The following OTUD7B variants were observed in gnomAD, a reference collection of about 807,000 sequenced individuals.
OTUD7B encodes OTU domain-containing protein 7B.
OTUD7B carries 34 observed loss-of-function variants against 82.2 expected under a neutral mutation model. That is an observed-to-expected ratio of 0.41 (90% confidence interval 0.31 to 0.55). OTUD7B has a LOEUF of 0.55. Among genes scored for constraint, OTUD7B ranks in the 20% least tolerant of loss-of-function variants. The probability of loss-of-function intolerance (pLI) is 0.20; values close to 1 mark genes in which losing one functional copy is unlikely to be tolerated. For synonymous variants in OTUD7B, 398 were observed against 402.7 expected (o/e 0.99, Z 0.14); for missense variants, 944 against 1,062.1 (o/e 0.89, Z 1.55).
chr1:149,945,836 G>A (rs2101722830), intron 11 of OTUD7B, among the ~76,000 whole-genome samples: 1 of 152,066 alleles, frequency 6.6e-6, no homozygotes, highest in South Asian at 2.1e-4. Context: ...CGAGGTGGGT[G>A]GATCACCTGA....
At chr1:150,040,075 G>A in the OTUD7B span, among the ~76,000 whole-genome samples, 753 of 152,200 alleles carry the variant, frequency 4.9e-3, 5 homozygotes, top group Non-Finnish European at 8.6e-3. Flanking sequence ...GCCTTCTAAC[G>A]TTTCATAATA....
chr1:150,032,081 C>T, the OTUD7B span, among the ~76,000 whole-genome samples: 9 of 148,624 alleles, frequency 6.1e-5, no homozygotes, highest in Admixed American at 3.3e-4. Context: ...GAGGCTGAGG[C>T]GGGTGGATCA....
chr1:150,023,467 A>G, the OTUD7B span, among the ~76,000 whole-genome samples: 1 of 152,226 alleles, frequency 6.6e-6, no homozygotes, highest in Non-Finnish European at 1.5e-5. Context: ...CTTGAAGAAG[A>G]AGGAAATCTT....
At chr1:150,058,160 T>A in the OTUD7B span, among the ~76,000 whole-genome samples, 1 of 152,198 alleles carries the variant, frequency 6.6e-6, no homozygotes, top group Admixed American at 6.6e-5. Flanking sequence ...GACCCTCTAC[T>A]GCTTTGCTAC....
chr1:150,054,020 G>T, the OTUD7B span: 1 of 347,870 alleles, frequency 2.9e-6, no homozygotes, highest in Non-Finnish European at 5.3e-6. Context: ...CATTGTCAGA[G>T]GGATTGGCAG....
chr1:150,060,330 C>A, the OTUD7B span, among the ~76,000 whole-genome samples: 2 of 152,106 alleles, frequency 1.3e-5, no homozygotes, highest in Admixed American at 6.5e-5. Context: ...TAAACGAGGT[C>A]ATTAGGGTGG....
chr1:150,034,209 A>G, the OTUD7B span, among the ~76,000 whole-genome samples: 1 of 152,202 alleles, frequency 6.6e-6, no homozygotes, highest in Admixed American at 6.5e-5. Flanking sequence ...AGTACTTTTA[A>G]TTTCTCAAAA....
In OTUD7B at chr1:149,941,283, T is replaced by G. The variant is rs2101700423; in HGVS notation, c.*2574A>C. On this transcript the variant is annotated 3_prime_UTR_variant, in exon 12 of 12. Coordinates refer to ENST00000581312, the MANE Select transcript of OTUD7B (RefSeq NM_020205.4). ...GCAGTCCAGTGGAGAATCAAAACTT[T>G]TCCGGCTTTATTCTCTGGGAAAACC... 1 of 152,320 alleles carries G rather than the reference T, an allele frequency of 6.6e-6. No individual in the cohort carries two copies. Among genetic ancestry groups the G allele is most frequent in the South Asian group, 2.1e-4 (1 of 4,832 alleles). The allele number at this position is 152,320 out of a possible 1,614,324, so 9.4% of individuals were successfully genotyped here. A position where few individuals can be genotyped will look rare whatever the true frequency, so the allele number is the denominator to read the frequency against.
intron 1 of OTUD7B, among the ~76,000 whole-genome samples, chr1:149,998,684 C>T (rs1652072799): frequency 6.6e-6 from 1 of 152,192 alleles, no homozygotes; most frequent in African/African-American, 2.4e-5. Flanking sequence ...TCTATTTATG[C>T]AAATATTCAG....
chr1:149,981,476 C>G (rs781988131), intron 1 of OTUD7B, among the ~76,000 whole-genome samples: 1 of 152,154 alleles, frequency 6.6e-6, no homozygotes. Context: ...TTTCACATAC[C>G]GGTTTTGATT....
intron 1 of OTUD7B, among the ~76,000 whole-genome samples, chr1:149,992,182 G>A (rs1252090023): frequency 1.3e-5 from 2 of 152,162 alleles, no homozygotes; most frequent in East Asian, 1.9e-4. Context: ...CTGACATGGC[G>A]CCACTGCACT....
In OTUD7B at chr1:149,944,895, T is replaced by C. The variant is rs781835593; in HGVS notation, c.1494A>G (p.Arg498=). 2 of 1,614,018 alleles carry C rather than the reference T, an allele frequency of 1.2e-6. No homozygotes were observed. Among genetic ancestry groups the C allele is most frequent in the Non-Finnish European group, 8.5e-7 (1 of 1,180,036 alleles). The change falls in exon 12 of 12, where the codon AGA becomes AGG. Residue 498 remains arginine, a synonymous_variant. Transcript: ENST00000581312. ...SKRDREKDKK[R]ADSVANKLGS... is the part of the protein sequence containing the mutation. ...CCAGTTTGTTAGCCACAGAATCTGC[T>C]CTCTTCTTGTCCTTCTCCCGATCTC...
chr1:149,944,521 T>G lies in OTUD7B; in HGVS notation c.1868A>C (p.Tyr623Ser). Residue 623 changes from tyrosine to serine, a missense_variant, in exon 12 of 12, where the codon TAT (tyrosine) becomes TCT (serine). By Grantham distance (144) the Tyr-to-Ser change is moderately radical. Transcript: ENST00000581312. ...GTAGCGCTGGATCATTTCCTCCTGATACTGGTGACGGTGACCCATCTTCAG... is the reference window on the plus strand; with the variant it reads ...GTAGCGCTGGATCATTTCCTCCTGAGACTGGTGACGGTGACCCATCTTCAG... ...GTLKMGHRHQ[Y>S]QEEMIQRYLS... is the part of the protein sequence containing the mutation. 6.2e-7 allele frequency: 1 copy of G among 1,614,150 alleles called. No individual in the cohort carries two copies. The highest frequency in any genetic ancestry group is 8.5e-7 in the Non-Finnish European group (1 of 1,180,022).
chr1:150,053,061 A>G, the OTUD7B span, among the ~76,000 whole-genome samples: 1 of 152,168 alleles, frequency 6.6e-6, no homozygotes, highest in Non-Finnish European at 1.5e-5. Context: ...ATACTTAAAT[A>G]TAAAACCCAA....
Position 149,981,887 on chromosome 1 carries a change from C to G in OTUD7B, c.-66-4311G>C, listed in dbSNP as rs185412416. On this transcript the variant is annotated intron_variant, in intron 1 of 11. Transcript: ENST00000581312. Reference sequence around the variant, plus strand: ...TTACTCGGCCAGGCACAGTGGCTCACGACTGTAATCCCAGCACTTTGGGAG... The same window carrying G: ...TTACTCGGCCAGGCACAGTGGCTCAGGACTGTAATCCCAGCACTTTGGGAG... 6.6e-5 allele frequency among the ~76,000 whole-genome samples: 10 copies of G among 152,298 alleles called. No homozygotes were observed. The South Asian group carries it at 8.3e-4, about 13-fold the overall frequency.
At chr1:149,970,271 T>C (rs1177642951) in intron 3 of OTUD7B, among the ~76,000 whole-genome samples, 1 of 151,664 alleles carries the variant, frequency 6.6e-6, no homozygotes, top group Non-Finnish European at 1.5e-5. Context: ...GCTGTGAATA[T>C]CCTTATATGC....
In OTUD7B at chr1:149,967,380, T is replaced by A. The variant is rs201350317; in HGVS notation, c.416A>T (p.Asp139Val). The A allele has an allele frequency of 7.3e-5, 118 of 1,613,990 alleles. No individual in the cohort carries two copies. The highest frequency in any genetic ancestry group is 9.9e-5 in the Non-Finnish European group (117 of 1,180,008). Reference protein sequence around the residue: ...EMPICAFQLPDLTVYNEDFRS... With the variant: ...EMPICAFQLPVLTVYNEDFRS... ...GAAGTCTTCATTGTATACAGTGAGA[T>A]CTGGAAGCTGGAAGGCACAGATGGG... Residue 139 changes from aspartate to valine, a missense_variant, in exon 4 of 12, where the codon GAT (aspartate) becomes GTT (valine). Around this residue, in one of 3 missense-constraint regions of OTUD7B, gnomAD observed 530 missense variants for 625.6 expected, o/e 0.85. Transcript: ENST00000581312.
chr1:150,065,294 G>C, the OTUD7B span, among the ~76,000 whole-genome samples: 3 of 152,110 alleles, frequency 2.0e-5, no homozygotes, highest in Admixed American at 6.5e-5. Flanking sequence ...AGCTGGTCTT[G>C]AACTTCTGGA....
At chr1:150,000,110 T>C (rs1361954771) in intron 1 of OTUD7B, among the ~76,000 whole-genome samples, 1 of 152,116 alleles carries the variant, frequency 6.6e-6, no homozygotes, top group Non-Finnish European at 1.5e-5. Flanking sequence ...ATCAGGAACG[T>C]TTTTGTGGAA....
Sources: allele counts gnomAD v4.1 joint callset (sites outside exome capture counted in the v4.1 genomes callset), GRCh38; gene constraint gnomAD v4.1.1; regional missense constraint gnomAD v4.1.1; transcripts MANE v1.5; gene names NCBI Gene and HGNC (gene_info 2026-07-23, HGNC 2026-07-21).